Variants in ADGRB3 observed in about 807,000 individuals in gnomAD.
ADGRB3 encodes the protein brain-specific angiogenesis inhibitor 3.
A neutral mutation model predicts 193.4 loss-of-function variants in ADGRB3; 37 were observed. That is an observed-to-expected ratio of 0.19 (90% confidence interval 0.15 to 0.25). ADGRB3 has a LOEUF of 0.25. Ranked by LOEUF, ADGRB3 falls within the 10% of genes least tolerant of loss-of-function variation. The pLI is 1.00. For synonymous variants in ADGRB3, 690 were observed against 644.2 expected (o/e 1.07, Z -1.08); for missense variants, 1,637 against 1,852.9 (o/e 0.88, Z 2.14).
intron 8 of ADGRB3, among the ~76,000 whole-genome samples, chr6:68,958,869 TAGTGTGTGTG>T (rs1463192534): frequency 5.8e-5 from 5 of 86,922 alleles, no homozygotes; most frequent in African/African-American, 2.1e-4. Flanking sequence ...CAAAGAAAAA[TAGTGTGTGTG>T]TGTGTGTGTG....
chr6:69,258,976 C>T (rs1300556414), intron 20 of ADGRB3, among the ~76,000 whole-genome samples: 1 of 152,220 alleles, frequency 6.6e-6, no homozygotes, highest in Non-Finnish European at 1.5e-5. Context: ...CCTGTCAGTA[C>T]TTCTCCTGTG....
chr6:68,963,421 T>C (rs559036908), intron 8 of ADGRB3, among the ~76,000 whole-genome samples: 1 of 152,288 alleles, frequency 6.6e-6, no homozygotes, highest in East Asian at 1.9e-4. Context: ...TATGACTTGC[T>C]TTCTCAAAAA....
chr6:68,833,383 C>T (rs967014626), intron 3 of ADGRB3, among the ~76,000 whole-genome samples: 5 of 151,452 alleles, frequency 3.3e-5, no homozygotes, highest in Non-Finnish European at 5.9e-5. Context: ...TTATACTATT[C>T]TTGGTAATAT....
chr6:68,871,403 T>G (rs79927083), intron 3 of ADGRB3, among the ~76,000 whole-genome samples: 2,718 of 152,292 alleles, frequency 0.018, 70 homozygotes, highest in African/African-American at 0.062. Context: ...TAGGCAAATT[T>G]AATGGTCTCG....
chr6:68,885,020 A>G (rs80050596), intron 3 of ADGRB3, among the ~76,000 whole-genome samples: 13,758 of 152,266 alleles, frequency 0.09, 821 homozygotes, highest in Non-Finnish European at 0.13. Context: ...ATCATAAAAT[A>G]TTTAAATAAC....
intron 10 of ADGRB3, among the ~76,000 whole-genome samples, chr6:68,984,695 T>G (rs1272702958): frequency 2.0e-5 from 3 of 152,042 alleles, no homozygotes; most frequent in African/African-American, 4.8e-5. Context: ...CAGTAAAAAT[T>G]TAGAAGAGAA....
chr6:68,995,535 AT>A (rs1388532585), intron 11 of ADGRB3, among the ~76,000 whole-genome samples: 1 of 152,226 alleles, frequency 6.6e-6, no homozygotes, highest in Non-Finnish European at 1.5e-5. Flanking sequence ...TTGCTTAGTC[AT>A]TGACATTAGC....
At chr6:68,815,049 C>T (rs1328043039) in intron 3 of ADGRB3, among the ~76,000 whole-genome samples, 1 of 152,102 alleles carries the variant, frequency 6.6e-6, no homozygotes, top group Non-Finnish European at 1.5e-5. Context: ...TGGGCAAAAA[C>T]TGGAAGCATT....
chr6:68,913,517 G>A (rs1766783730), intron 3 of ADGRB3, among the ~76,000 whole-genome samples: 1 of 152,094 alleles, frequency 6.6e-6, no homozygotes. Flanking sequence ...AAACAGAAAG[G>A]ACATCCACAC....
At chr6:69,052,589 G>T (rs1295021419) in intron 15 of ADGRB3, among the ~76,000 whole-genome samples, 2 of 152,146 alleles carry the variant, frequency 1.3e-5, no homozygotes, top group Non-Finnish European at 2.9e-5. Context: ...AGGAGGACTT[G>T]CTGTAATGCT....
chr6:68,987,876 A>G (rs1769125740), intron 10 of ADGRB3, among the ~76,000 whole-genome samples: 1 of 152,200 alleles, frequency 6.6e-6, no homozygotes, highest in South Asian at 2.1e-4. Context: ...GGTAGCAAGT[A>G]TATAACTGTA....
At chr6:68,763,336 C>A (rs1301905547) in intron 3 of ADGRB3, among the ~76,000 whole-genome samples, 1 of 152,170 alleles carries the variant, frequency 6.6e-6, no homozygotes, top group Admixed American at 6.5e-5. Flanking sequence ...GTGATCCGCC[C>A]GCCTTGGCCT....
At chr6:69,371,479 AT>A (rs1248463531) in intron 29 of ADGRB3, among the ~76,000 whole-genome samples, 3 of 152,038 alleles carry the variant, frequency 2.0e-5, no homozygotes, top group Admixed American at 2.0e-4. Context: ...AAAGGTTTGT[AT>A]ATTTTTCCAA....
chr6:69,191,719 G>A lies in ADGRB3; in HGVS notation c.2481-41571G>A, dbSNP rs1184646863. ...TGCTATATGCCTGTCAGTTTTCTAT[G>A]TGCTGAAAATACAGCTGTAAATAAG... On this transcript the variant is annotated intron_variant, in intron 17 of 31. Coordinates refer to ENST00000370598, the MANE Select transcript of ADGRB3 (RefSeq NM_001704.3). Among the ~76,000 whole-genome samples the A allele has an allele frequency of 2.0e-5, 3 of 152,128 alleles. No homozygotes were observed. In the East Asian group the frequency reaches 5.8e-4, roughly 29 times the overall value.
chr6:68,919,528 T>G (rs1176602422), intron 3 of ADGRB3, among the ~76,000 whole-genome samples: 2 of 152,158 alleles, frequency 1.3e-5, no homozygotes, highest in Non-Finnish European at 2.9e-5. Flanking sequence ...GAGTGAGATT[T>G]CTGGGGAAGA....
chr6:69,073,642 G>C (rs1328045960), intron 16 of ADGRB3, among the ~76,000 whole-genome samples: 3 of 152,092 alleles, frequency 2.0e-5, no homozygotes, highest in Non-Finnish European at 4.4e-5. Context: ...ACCTCCCAAG[G>C]CTCACCCAAC....
chr6:69,351,006 T>C (rs1405203644), intron 26 of ADGRB3, among the ~76,000 whole-genome samples: 1 of 152,126 alleles, frequency 6.6e-6, no homozygotes, highest in Non-Finnish European at 1.5e-5. Context: ...AAATGTGCAC[T>C]ATGAAATCTA....
intron 17 of ADGRB3, among the ~76,000 whole-genome samples, chr6:69,117,361 A>G (rs1238895803): frequency 6.6e-6 from 1 of 152,192 alleles, no homozygotes; most frequent in African/African-American, 2.4e-5. Flanking sequence ...AGTATAATCC[A>G]CTGATAAAGT....
At chr6:69,198,483 A>T (rs181289570) in intron 17 of ADGRB3, among the ~76,000 whole-genome samples, 2 of 152,100 alleles carry the variant, frequency 1.3e-5, no homozygotes, top group Non-Finnish European at 2.9e-5. Flanking sequence ...TGTTTTGGAT[A>T]AGGTGATGGG....
Sources: gnomAD v4.1 joint callset for allele counts (sites outside exome capture counted in the v4.1 genomes callset) on GRCh38, gnomAD v4.1.1 for gene constraint, MANE v1.5 for transcripts, NCBI Gene and HGNC (gene_info 2026-07-23, HGNC 2026-07-21) for gene names.